Variants in SRPK2 observed in about 807,000 individuals in gnomAD.
The protein encoded by SRPK2 is SRSF protein kinase 2, also known as SFRS protein kinase 2.
Under a neutral mutation model 90.8 loss-of-function variants are expected in SRPK2, and 21 were observed. That is an observed-to-expected ratio of 0.23 (90% CI 0.16 to 0.33). The LOEUF (loss-of-function observed/expected upper bound fraction) is 0.33, where lower values mean the gene tolerates loss of function less well. SRPK2 is among the 10% of genes least tolerant of loss of function. The pLI, the probability that SRPK2 is intolerant of heterozygous loss-of-function variation, is 1.00. For missense variants in SRPK2, 620 were observed against 869.0 expected (o/e 0.71, Z 3.60); for synonymous variants, 288 against 311.1 (o/e 0.93, Z 0.78).
intron 2 of SRPK2, among the ~76,000 whole-genome samples, chr7:105,311,986 G>A (rs1379054229): frequency 6.6e-6 from 1 of 151,984 alleles, no homozygotes; most frequent in East Asian, 1.9e-4. Flanking sequence ...AACAAATTGT[G>A]GTACATATAT....
chr7:105,191,680 C>A (rs543323955), intron 3 of SRPK2, among the ~76,000 whole-genome samples: 2 of 152,196 alleles, frequency 1.3e-5, no homozygotes, highest in African/African-American at 4.8e-5. Context: ...TTTCTGGTCA[C>A]TGCCCTCCAT....
intron 3 of SRPK2, among the ~76,000 whole-genome samples, chr7:105,190,126 G>A (rs1794095948): frequency 6.6e-6 from 1 of 152,206 alleles, no homozygotes; most frequent in Non-Finnish European, 1.5e-5. Flanking sequence ...GATCACACAT[G>A]GGGACTCCGG....
chr7:105,123,423 G>A (rs1389656976), intron 15 of SRPK2, among the ~76,000 whole-genome samples: 1 of 152,048 alleles, frequency 6.6e-6, no homozygotes, highest in Non-Finnish European at 1.5e-5. Flanking sequence ...AAAACCTCCT[G>A]GGAAGGCACT....
chr7:105,341,609 T>C (rs1221993036), intron 2 of SRPK2, among the ~76,000 whole-genome samples: 6 of 152,000 alleles, frequency 3.9e-5, no homozygotes, highest in African/African-American at 7.2e-5. Context: ...GAGGCAGAGG[T>C]TGCAGTGAGC....
chr7:105,301,826 A>C, intron 2 of SRPK2: 1 of 1,562,318 alleles, frequency 6.4e-7, no homozygotes, highest in Non-Finnish European at 8.8e-7. Flanking sequence ...CATTGTTTGA[A>C]TATGCCAAAG....
chr7:105,223,446 T>C (rs1036444995), intron 2 of SRPK2, among the ~76,000 whole-genome samples: 1 of 152,178 alleles, frequency 6.6e-6, no homozygotes, highest in African/African-American at 2.4e-5. Context: ...AAATTAAATG[T>C]CTCCCATCTC....
chr7:105,238,590 T>C (rs1393532475), intron 2 of SRPK2, among the ~76,000 whole-genome samples: 6 of 152,208 alleles, frequency 3.9e-5, no homozygotes, highest in African/African-American at 1.2e-4. Context: ...GCCTCTCCCA[T>C]TGCCCACTCT....
At chr7:105,393,999 C>T (rs1014444249), upstream of SRPK2, among the ~76,000 whole-genome samples, 1 of 152,122 alleles carries the variant, frequency 6.6e-6, no homozygotes, top group Non-Finnish European at 1.5e-5. Flanking sequence ...CTCCCCATTT[C>T]CTCCAACTTT....
At chr7:105,223,679 A>C (rs897926953) in intron 2 of SRPK2, among the ~76,000 whole-genome samples, 10 of 152,218 alleles carry the variant, frequency 6.6e-5, no homozygotes, top group African/African-American at 2.4e-4. Flanking sequence ...TGCAGGGTTT[A>C]GCTAAAATTT....
chr7:105,349,702 A>C (rs541536721), intron 2 of SRPK2, among the ~76,000 whole-genome samples: 1 of 152,290 alleles, frequency 6.6e-6, no homozygotes, highest in South Asian at 2.1e-4. Context: ...CACAGCAGGA[A>C]GAAAAGAGTA....
At chr7:105,153,791 T>TG (rs1269337137) in intron 7 of SRPK2, among the ~76,000 whole-genome samples, 2 of 152,010 alleles carry the variant, frequency 1.3e-5, no homozygotes, top group Non-Finnish European at 2.9e-5. Flanking sequence ...GGCAGCCAGA[T>TG]GGGCTGGCAG....
intron 2 of SRPK2, among the ~76,000 whole-genome samples, chr7:105,342,571 C>T (rs769406696): frequency 7.9e-5 from 12 of 152,084 alleles, no homozygotes; most frequent in Admixed American, 2.0e-4. Flanking sequence ...TCCTAACATG[C>T]TGTTTGCCTA....
chr7:105,238,715 T>C (rs1800432760), intron 2 of SRPK2, among the ~76,000 whole-genome samples: 1 of 151,080 alleles, frequency 6.6e-6, no homozygotes, highest in Non-Finnish European at 1.5e-5. Context: ...CAGTCATTAT[T>C]TCATTTTTAT....
intron 2 of SRPK2, among the ~76,000 whole-genome samples, chr7:105,351,329 C>T (rs1428810884): frequency 6.6e-6 from 1 of 151,920 alleles, no homozygotes; most frequent in Non-Finnish European, 1.5e-5. Context: ...AAATAAATTC[C>T]TTTTCTTTAT....
In SRPK2 at chr7:105,326,484, C is replaced by T. The variant is rs934417507; in HGVS notation, c.71+62164G>A. 3.3e-5 allele frequency among the ~76,000 whole-genome samples: 5 copies of T among 152,202 alleles called. No individual in the cohort carries two copies. The East Asian group carries it at 7.7e-4, about 23-fold the overall frequency. On this transcript the variant is annotated intron_variant, in intron 2 of 15. Coordinates refer to ENST00000393651, the MANE Select transcript of SRPK2 (RefSeq NM_182692.3). ...GATAGACAAGGCTCAGAGAAGTGCA[C>T]TGATTTGCCCAATATTACACAGCGA...
chr7:105,339,062 G>GA (rs1204005126), intron 2 of SRPK2, among the ~76,000 whole-genome samples: 2 of 152,136 alleles, frequency 1.3e-5, no homozygotes, highest in African/African-American at 4.8e-5. Flanking sequence ...ATAATTTTGA[G>GA]AAAGTGTCTA....
intron 7 of SRPK2, among the ~76,000 whole-genome samples, chr7:105,159,337 T>C (rs1807062090): frequency 6.6e-6 from 1 of 150,550 alleles, no homozygotes; most frequent in African/African-American, 2.4e-5. Context: ...AATACAAAAA[T>C]TAGCTGGGTG....
intron 2 of SRPK2, among the ~76,000 whole-genome samples, chr7:105,230,092 A>G (rs1197013186): frequency 1.3e-5 from 2 of 152,256 alleles, no homozygotes; most frequent in Admixed American, 6.5e-5. Flanking sequence ...AGGAATTACC[A>G]AGGTCTGTCA....
chr7:105,392,901 C>T (rs1223248845), upstream of SRPK2, among the ~76,000 whole-genome samples: 1 of 151,530 alleles, frequency 6.6e-6, no homozygotes. Flanking sequence ...CAACCTCCGC[C>T]TCCCAGGTTC....
Sources: gnomAD v4.1 joint callset for allele counts (sites outside exome capture counted in the v4.1 genomes callset) on GRCh38, gnomAD v4.1.1 for gene constraint, MANE v1.5 for transcripts, NCBI Gene and HGNC (gene_info 2026-07-23, HGNC 2026-07-21) for gene names.